HSD17B11: variants seen among roughly 807,000 people sequenced by gnomAD.
The protein encoded by HSD17B11 is hydroxysteroid 17-beta dehydrogenase 11.
In HSD17B11, 22 loss-of-function variants were observed where a neutral mutation model predicts 27.8. The ratio of observed to expected loss-of-function variants is 0.79; its 90% CI spans 0.56 to 1.13. The LOEUF (loss-of-function observed/expected upper bound fraction) is 1.13, where lower values mean the gene tolerates loss of function less well. Among genes scored for constraint, HSD17B11 ranks in the 50% most tolerant of loss-of-function variants. HSD17B11 has a pLI of 0.00. For missense variants in HSD17B11, 314 were observed against 351.1 expected, an observed-to-expected ratio of 0.89 and a Z score of 0.84; for synonymous variants, 117 against 132.8, an observed-to-expected ratio of 0.88 and a Z score of 0.82.
chr4:87,383,234 G>A (rs931097770), intron 1 of HSD17B11, among the ~76,000 whole-genome samples: 1 of 152,032 alleles, frequency 6.6e-6, no homozygotes, highest in Non-Finnish European at 1.5e-5. Flanking sequence ...TCAGATTAAG[G>A]TCCCACATGT....
chr4:87,378,840 ATAT>A (rs1720003603), intron 2 of HSD17B11, among the ~76,000 whole-genome samples: 1 of 32,970 alleles, frequency 3.0e-5, no homozygotes, highest in Non-Finnish European at 5.1e-5. Context: ...AAATATATAT[ATAT>A]AAATATATAT....
At chr4:87,361,127 G>A (rs1178314237) in intron 4 of HSD17B11, among the ~76,000 whole-genome samples, 2 of 152,124 alleles carry the variant, frequency 1.3e-5, no homozygotes, top group Non-Finnish European at 2.9e-5. Context: ...TAAGTCATAA[G>A]ATGACATAGG....
chr4:87,362,399 G>A (rs1174474981), intron 4 of HSD17B11, among the ~76,000 whole-genome samples: 1 of 152,168 alleles, frequency 6.6e-6, no homozygotes, highest in Admixed American at 6.5e-5. Flanking sequence ...GGTGATGCAT[G>A]CCTGTAATCC....
chr4:87,363,671 T>C (rs1735560835), intron 4 of HSD17B11, among the ~76,000 whole-genome samples: 1 of 152,206 alleles, frequency 6.6e-6, no homozygotes, highest in South Asian at 2.1e-4. Context: ...GAAAATCATA[T>C]TAAATAGTTA....
intron 5 of HSD17B11, among the ~76,000 whole-genome samples, chr4:87,343,285 A>C (rs1735203894): frequency 6.6e-6 from 1 of 152,220 alleles, no homozygotes; most frequent in African/African-American, 2.4e-5. Context: ...AATCATTAAA[A>C]TGTCAGTATG....
chr4:87,375,142 G>T (rs148265162), intron 2 of HSD17B11, among the ~76,000 whole-genome samples: 4,676 of 152,196 alleles, frequency 0.031, 97 homozygotes, highest in Middle Eastern at 0.065. Context: ...CAAGTGATCT[G>T]CCCACCTCAG....
chr4:87,381,486 C>A (rs1334403582), intron 2 of HSD17B11, among the ~76,000 whole-genome samples: 3 of 151,642 alleles, frequency 2.0e-5, no homozygotes, highest in Non-Finnish European at 4.4e-5. Context: ...CTGCTGGGAG[C>A]GTGGCTCATG....
chr4:87,367,264 G>A (rs1333222667), intron 4 of HSD17B11, among the ~76,000 whole-genome samples: 1 of 152,156 alleles, frequency 6.6e-6, no homozygotes, highest in Non-Finnish European at 1.5e-5. Flanking sequence ...GCCAATAAAA[G>A]CCCTATGGGA....
intron 4 of HSD17B11, among the ~76,000 whole-genome samples, chr4:87,366,726 T>C (rs371434011): frequency 6.6e-6 from 1 of 152,232 alleles, no homozygotes. Flanking sequence ...TGTCTTGTTT[T>C]AATCTTCTTT....
Position 87,357,949 on chromosome 4 carries a change from A to ATTTTTTTTTTTTT in HSD17B11, c.558-546_558-534dup, listed in dbSNP as rs57139706. On this transcript the variant is annotated intron_variant, in intron 4 of 6. Transcript: ENST00000358290. ...TTGTAACTGAACATTCATTAGAGAA[A>ATTTTTTTTTTTTT]TTTTTTTTTTTTTTTTTTTTTTTTT... 1.9e-3 allele frequency among the ~76,000 whole-genome samples: 151 copies of ATTTTTTTTTTTTT among 80,228 alleles called. 17 individuals carry two copies. The highest frequency in any genetic ancestry group is 2.5e-3 in the Non-Finnish European group (105 of 41,332). 52.6% of individuals were successfully genotyped at this position (80,228 alleles called of 152,430 possible).
intron 4 of HSD17B11, among the ~76,000 whole-genome samples, chr4:87,363,719 A>G (rs1483957724): frequency 6.6e-6 from 1 of 152,244 alleles, no homozygotes; most frequent in Non-Finnish European, 1.5e-5. Flanking sequence ...AATCTAGACT[A>G]CTTCTGAGAA....
At chr4:87,387,186 C>T (rs1720342756) in intron 1 of HSD17B11, 1 of 152,210 alleles carries the variant, frequency 6.6e-6, no homozygotes, top group Non-Finnish European at 1.5e-5. Context: ...ACAAACTATT[C>T]TAACCAAGCA....
intron 1 of HSD17B11, among the ~76,000 whole-genome samples, chr4:87,388,387 G>T (rs1018536436): frequency 6.6e-6 from 1 of 152,202 alleles, no homozygotes; most frequent in Non-Finnish European, 1.5e-5. Context: ...GAGGCTAGGG[G>T]CTACTACCTA....
At position 87,383,260 on chromosome 4, in the gene HSD17B11, C is replaced by CA. The variant is rs144839865; in HGVS notation, c.211-899dup. Reference sequence around the variant, plus strand: ...TCCCACATGTCATATTAAGATTTATCAAAAAATGAATGAGGAGCCACTGAT... The same window carrying CA: ...TCCCACATGTCATATTAAGATTTATCAAAAAAATGAATGAGGAGCCACTGAT... On this transcript the variant is annotated intron_variant, in intron 1 of 6. Transcript: ENST00000358290. 8.4e-3 allele frequency among the ~76,000 whole-genome samples: 1,270 copies of CA among 152,022 alleles called. 16 individuals are homozygous for CA. The highest frequency in any genetic ancestry group is 0.029 in the African/African-American group (1,209 of 41,468).
In HSD17B11 at chr4:87,337,219, C is replaced by A; in HGVS notation, c.*57G>T. 1.0e-6 allele frequency: 1 copy of A among 982,932 alleles called. No homozygotes were observed. Among genetic ancestry groups the A allele is most frequent in the Non-Finnish European group, 1.6e-6 (1 of 617,230 alleles). 60.9% of individuals were successfully genotyped at this position (982,932 alleles called of 1,614,324 possible). On this transcript the variant is annotated 3_prime_UTR_variant, in exon 7 of 7. Coordinates refer to ENST00000358290, the MANE Select transcript of HSD17B11 (RefSeq NM_016245.5). ...AGAAGTTCAAACATTAAAATTCTGG[C>A]ACTATTAGATGACATCAACCTAAAC...
At chr4:87,378,907 TATATATATATAA>T (rs1560769403) in intron 2 of HSD17B11, among the ~76,000 whole-genome samples, 8 of 16,930 alleles carry the variant, frequency 4.7e-4, no homozygotes, top group African/African-American at 2.9e-3. Context: ...TATATATAAA[TATATATATATAA>T]ATATATATAA....
At chr4:87,343,798 T>C (rs1374253994) in intron 5 of HSD17B11, among the ~76,000 whole-genome samples, 2 of 152,180 alleles carry the variant, frequency 1.3e-5, no homozygotes, top group Non-Finnish European at 2.9e-5. Context: ...TCTGCCTGTC[T>C]TGGCCTCCCA....
chr4:87,358,478 C>A (rs1298243269), intron 4 of HSD17B11, among the ~76,000 whole-genome samples: 53 of 152,020 alleles, frequency 3.5e-4, no homozygotes. Flanking sequence ...ATGGACATTA[C>A]TTTCTCAGGT....
At chr4:87,346,216 C>G (rs1440637569) in intron 5 of HSD17B11, among the ~76,000 whole-genome samples, 1 of 152,146 alleles carries the variant, frequency 6.6e-6, no homozygotes, top group African/African-American at 2.4e-5. Context: ...TGACATGATA[C>G]AACGTTCCTT....
Sources: allele counts gnomAD v4.1 joint callset (sites outside exome capture counted in the v4.1 genomes callset), GRCh38; gene constraint gnomAD v4.1.1; transcripts MANE v1.5; gene names NCBI Gene and HGNC (gene_info 2026-07-23, HGNC 2026-07-21).